The following GABRA5 variants were observed in gnomAD, a reference collection of about 807,000 sequenced individuals.
GABRA5 encodes gamma-aminobutyric acid receptor subunit alpha-5.
In GABRA5, 18 loss-of-function variants were observed where a neutral mutation model predicts 47.3. That is an observed-to-expected ratio of 0.38 (90% CI 0.26 to 0.56). GABRA5 has a LOEUF of 0.56. Among genes scored for constraint, GABRA5 ranks in the 20% least tolerant of loss-of-function variants. GABRA5 has a pLI of 0.71. For missense variants in GABRA5, 365 were observed against 599.3 expected (o/e 0.61, Z 4.08); for synonymous variants, 237 against 229.3 (o/e 1.03, Z -0.30).
At chr15:26,874,860 G>C (rs1474687348) in intron 3 of GABRA5, among the ~76,000 whole-genome samples, 2 of 152,236 alleles carry the variant, frequency 1.3e-5, no homozygotes, top group African/African-American at 4.8e-5. Flanking sequence ...GGCCATCACT[G>C]TACTGTCAGT....
intron 3 of GABRA5, among the ~76,000 whole-genome samples, chr15:26,870,054 G>T (rs1009756724): frequency 6.6e-6 from 1 of 152,124 alleles, no homozygotes; most frequent in South Asian, 2.1e-4. Flanking sequence ...GAATTGTTCT[G>T]GTTAATCAAA....
At chr15:26,881,258 T>A (rs1009447043) in intron 4 of GABRA5, among the ~76,000 whole-genome samples, 18 of 152,204 alleles carry the variant, frequency 1.2e-4, no homozygotes, top group African/African-American at 4.3e-4. Flanking sequence ...TCCCAGATAA[T>A]CTTAATGTCT....
intron 6 of GABRA5, among the ~76,000 whole-genome samples, chr15:26,907,779 T>C (rs761437769): frequency 5.9e-5 from 9 of 152,236 alleles, no homozygotes; most frequent in Non-Finnish European, 1.3e-4. Context: ...TATAGTTGAC[T>C]GAGCTTCAGA....
chr15:26,875,419 G>A (rs905461348), intron 3 of GABRA5, among the ~76,000 whole-genome samples: 1 of 152,224 alleles, frequency 6.6e-6, no homozygotes, highest in Non-Finnish European at 1.5e-5. Context: ...GGGCAGAGTG[G>A]GGCTTGCCTC....
intron 8 of GABRA5, chr15:26,939,597 A>G (rs770176859): frequency 5.0e-6 from 3 of 603,130 alleles, no homozygotes; most frequent in Non-Finnish European, 5.9e-6. Flanking sequence ...CTAAATCCTG[A>G]AATCCTAATT....
chr15:26,903,888 C>T (rs1892679038), intron 6 of GABRA5, among the ~76,000 whole-genome samples: 1 of 151,710 alleles, frequency 6.6e-6, no homozygotes, highest in African/African-American at 2.4e-5. Context: ...TAGACTTTTG[C>T]AGATATTTTC....
At chr15:26,909,220 C>T (rs942563155) in intron 6 of GABRA5, among the ~76,000 whole-genome samples, 1 of 152,124 alleles carries the variant, frequency 6.6e-6, no homozygotes, top group East Asian at 1.9e-4. Context: ...CTCTTGCTTC[C>T]ACTTCCGCCA....
intron 8 of GABRA5, chr15:26,939,661 T>G: frequency 5.0e-6 from 3 of 596,866 alleles, no homozygotes; most frequent in Non-Finnish European, 6.0e-6. Flanking sequence ...GACTGGAGAT[T>G]AGTAAAACAC....
chr15:26,920,244 A>G (rs768223940), intron 7 of GABRA5, among the ~76,000 whole-genome samples: 24 of 151,880 alleles, frequency 1.6e-4, no homozygotes, highest in Non-Finnish European at 2.9e-4. Flanking sequence ...CTCAGTATAC[A>G]TATTAGTCAC....
chr15:26,913,660 T>C (rs962342411), intron 6 of GABRA5, among the ~76,000 whole-genome samples: 1 of 152,180 alleles, frequency 6.6e-6, no homozygotes, highest in African/African-American at 2.4e-5. Context: ...TCTTTCATTG[T>C]ATGTAATTTC....
At chr15:26,882,795 C>T (rs1004798099) in intron 4 of GABRA5, among the ~76,000 whole-genome samples, 16 of 152,092 alleles carry the variant, frequency 1.1e-4, no homozygotes, top group African/African-American at 3.6e-4. Context: ...GTGGCGACGG[C>T]GTGGCCCTGA....
At chr15:26,871,874 G>T (rs1373804071) in intron 3 of GABRA5, among the ~76,000 whole-genome samples, 4 of 152,180 alleles carry the variant, frequency 2.6e-5, no homozygotes, top group African/African-American at 9.7e-5. Flanking sequence ...AACGTATTTG[G>T]CTTACAAGTT....
intron 3 of GABRA5, among the ~76,000 whole-genome samples, chr15:26,878,265 AAGATCATAC>A (rs1892645857): frequency 6.6e-6 from 1 of 152,254 alleles, no homozygotes; most frequent in Admixed American, 6.5e-5. Context: ...GCAGTTCTTA[AAGATCATAC>A]AGCTTGATAG....
At chr15:26,886,968 A>AAACTACTGG (rs1892894558) in intron 6 of GABRA5, among the ~76,000 whole-genome samples, 1 of 152,240 alleles carries the variant, frequency 6.6e-6, no homozygotes, top group Admixed American at 6.5e-5. Context: ...ATGGCTATGC[A>AAACTACTGG]AACTACTGGT....
intron 6 of GABRA5, among the ~76,000 whole-genome samples, chr15:26,910,935 C>A (rs1411009920): frequency 6.6e-6 from 1 of 152,142 alleles, no homozygotes; most frequent in Non-Finnish European, 1.5e-5. Context: ...GGTTCCACAT[C>A]AAAGCATTCC....
intron 6 of GABRA5, among the ~76,000 whole-genome samples, chr15:26,905,281 G>T (rs931833108): frequency 2.7e-5 from 4 of 150,196 alleles, no homozygotes; most frequent in South Asian, 2.1e-4. Flanking sequence ...TGGTTGACAA[G>T]TTTTTTTTTT....
intron 7 of GABRA5, among the ~76,000 whole-genome samples, chr15:26,935,996 G>A (rs894269319): frequency 2.0e-5 from 3 of 152,140 alleles, no homozygotes; most frequent in East Asian, 1.9e-4. Flanking sequence ...TGTCAAGGGC[G>A]GGACTAGTAG....
chr15:26,883,486 C>A lies in GABRA5; in HGVS notation c.426C>A (p.Ile142=). The part of the protein sequence containing the change: ...DTFFHNGKKS[I]AHNMTTPNKL... ...TCTTCCACAACGGGAAGAAGTCCAT[C>A]GCTCACAACATGACCACGCCCAACA... The change falls in exon 6 of 11, where the codon ATC becomes ATA. Residue 142 remains isoleucine (I), a synonymous_variant. Coordinates refer to ENST00000335625, the MANE Select transcript of GABRA5 (RefSeq NM_000810.4). This position sits in a 1 kb window ranked among gnomAD's most constrained non-coding sequence, Gnocchi z 4.8. 1 of 1,614,144 alleles carries A rather than the reference C, an allele frequency of 6.2e-7. No homozygotes were observed. Among genetic ancestry groups the A allele is most frequent in the Non-Finnish European group, 8.5e-7 (1 of 1,180,024 alleles).
intron 6 of GABRA5, among the ~76,000 whole-genome samples, chr15:26,894,063 C>T (rs1776820985): frequency 6.6e-6 from 1 of 152,066 alleles, no homozygotes; most frequent in African/African-American, 2.4e-5. Flanking sequence ...CCCTGTGCTC[C>T]CCAGACGCCC....
Sources: allele counts gnomAD v4.1 joint callset (sites outside exome capture counted in the v4.1 genomes callset), GRCh38; gene constraint gnomAD v4.1.1; non-coding constraint Gnocchi (gnomAD v3.1); transcripts MANE v1.5; gene names NCBI Gene and HGNC (gene_info 2026-07-23, HGNC 2026-07-21).